Variants in PALM2AKAP2 observed in about 807,000 individuals in gnomAD.
PALM2AKAP2 encodes the protein PALM2-AKAP2 fusion protein.
A neutral mutation model predicts 71.5 loss-of-function variants in PALM2AKAP2; 37 were observed. That is an observed-to-expected ratio of 0.52 (90% CI 0.40 to 0.68). The LOEUF (loss-of-function observed/expected upper bound fraction) is 0.68, where lower values mean the gene tolerates loss of function less well. Ranked by LOEUF, PALM2AKAP2 falls within the 30% of genes least tolerant of loss-of-function variation. The pLI is 0.00. For missense variants in PALM2AKAP2, 1,224 were observed against 1,191.8 expected (o/e 1.03, Z -0.40); for synonymous variants, 468 against 478.8 (o/e 0.98, Z 0.29).
chr9:110,172,172 A>G (rs187759319), exon 4 of PALM2AKAP2: 13 of 152,706 alleles, frequency 8.5e-5, no homozygotes, highest in Middle Eastern at 3.4e-3. Flanking sequence ...TAAACTATGT[A>G]TTGAAAAAAA....
intron 1 of PALM2AKAP2, among the ~76,000 whole-genome samples, chr9:109,857,945 T>C (rs562378877): frequency 2.6e-5 from 4 of 152,382 alleles, no homozygotes; most frequent in African/African-American, 7.2e-5. Context: ...GTTCAACCAC[T>C]ACACAACTGA....
intron 1 of PALM2AKAP2, among the ~76,000 whole-genome samples, chr9:110,131,074 A>C (rs1835724489): frequency 6.6e-6 from 1 of 152,190 alleles, no homozygotes; most frequent in African/African-American, 2.4e-5. Context: ...CCTTGAGTTT[A>C]TATTCCCATT....
At chr9:109,887,457 C>A (rs1442208639) in intron 3 of PALM2AKAP2, among the ~76,000 whole-genome samples, 1 of 152,156 alleles carries the variant, frequency 6.6e-6, no homozygotes, top group Non-Finnish European at 1.5e-5. Context: ...TTGTTTCCTT[C>A]CAAAATAAAA....
chr9:109,925,020 C>A (rs56677268), intron 4 of PALM2AKAP2, 41 bp from the exon 5 acceptor site: 9 of 1,613,980 alleles, frequency 5.6e-6, no homozygotes, highest in Non-Finnish European at 7.6e-6. Flanking sequence ...ATTGTACCCC[C>A]ACATGTAGAG....
upstream of PALM2AKAP2, among the ~76,000 whole-genome samples, chr9:109,779,869 G>A (rs1829405846): frequency 6.6e-6 from 1 of 152,156 alleles, no homozygotes; most frequent in African/African-American, 2.4e-5. Context: ...GCACGTGCTC[G>A]GGTCCCACAT....
At chr9:109,817,968 TTCC>T (rs1827893778) in intron 1 of PALM2AKAP2, among the ~76,000 whole-genome samples, 2 of 152,226 alleles carry the variant, frequency 1.3e-5, no homozygotes, top group Non-Finnish European at 2.9e-5. Context: ...CTCCCACATG[TTCC>T]TCTGTGACTT....
In PALM2AKAP2 at chr9:110,162,097, A is replaced by G. The variant is rs772511682; in HGVS notation, c.2748+5600A>G. 5.6e-6 allele frequency: 9 copies of G among 1,613,734 alleles called. No homozygotes were observed. In the East Asian group the frequency reaches 1.8e-4, roughly 32 times the overall value. On this transcript the variant is annotated intron_variant, in intron 3 of 3. Coordinates refer to ENST00000374525, the Ensembl canonical transcript of PALM2AKAP2. ...TGGTCTTTTCCCTCTCTGCCAGTAC[A>G]CTTCTAAGTTACTGTCTTGCAAGGT...
chr9:110,075,979 A>C (rs1834311503), intron 1 of PALM2AKAP2, among the ~76,000 whole-genome samples: 1 of 152,160 alleles, frequency 6.6e-6, no homozygotes. Context: ...AAAGTGTTAA[A>C]AAAATTCAGG....
At chr9:109,803,024 G>A (rs887328225) in intron 1 of PALM2AKAP2, among the ~76,000 whole-genome samples, 1 of 152,086 alleles carries the variant, frequency 6.6e-6, no homozygotes, top group African/African-American at 2.4e-5. Context: ...TTCCAGAATA[G>A]GAAGAAACTA....
At chr9:109,847,341 T>C (rs1432052715) in intron 1 of PALM2AKAP2, among the ~76,000 whole-genome samples, 1 of 152,146 alleles carries the variant, frequency 6.6e-6, no homozygotes, top group African/African-American at 2.4e-5. Flanking sequence ...TGCCAGAAGC[T>C]TAAAGAGGCA....
chr9:110,004,126 G>A (rs1054312647), intron 6 of PALM2AKAP2, among the ~76,000 whole-genome samples: 1 of 152,150 alleles, frequency 6.6e-6, no homozygotes, highest in Non-Finnish European at 1.5e-5. Flanking sequence ...TTCTAGCATC[G>A]ATGGTCTTTA....
intron 1 of PALM2AKAP2, among the ~76,000 whole-genome samples, chr9:110,124,164 C>G (rs1835547959): frequency 6.6e-6 from 1 of 152,290 alleles, no homozygotes; most frequent in African/African-American, 2.4e-5. Flanking sequence ...AAAGAGCCTT[C>G]CTGGGCTCCA....
At chr9:109,932,017 G>A (rs745463626) in exon 6 of PALM2AKAP2, 1 of 1,612,842 alleles carries the variant, frequency 6.2e-7, no homozygotes, top group South Asian at 1.1e-5. Context: ...GACGGGACCA[G>A]CAGAGCGGCT....
At chr9:109,948,927 C>T (rs918805357) in intron 6 of PALM2AKAP2, among the ~76,000 whole-genome samples, 12 of 152,168 alleles carry the variant, frequency 7.9e-5, no homozygotes, top group African/African-American at 2.4e-4. Flanking sequence ...GCCTTAGCAT[C>T]ACTGTTTATG....
chr9:109,698,381 G>A (rs562771611), intron 1 of PALM2AKAP2, among the ~76,000 whole-genome samples: 2 of 151,062 alleles, frequency 1.3e-5, no homozygotes, highest in Non-Finnish European at 2.9e-5. Context: ...GGGTTCAAGC[G>A]ATTCTTGTGC....
At chr9:110,166,546 T>C (rs1197599155) in intron 3 of PALM2AKAP2, among the ~76,000 whole-genome samples, 1 of 152,246 alleles carries the variant, frequency 6.6e-6, no homozygotes, top group East Asian at 1.9e-4. Context: ...TTTGGAAGCA[T>C]GCTTTCCTCC....
intron 7 of PALM2AKAP2, among the ~76,000 whole-genome samples, chr9:110,016,614 A>G (rs1327006631): frequency 7.2e-5 from 11 of 152,208 alleles, no homozygotes; most frequent in Non-Finnish European, 4.4e-5. Flanking sequence ...AATTAAATGC[A>G]TCAATTTGTA....
chr9:109,655,690 T>C (rs1827294259), intron 1 of PALM2AKAP2, among the ~76,000 whole-genome samples: 1 of 152,186 alleles, frequency 6.6e-6, no homozygotes. Context: ...AAACACTATT[T>C]ATTCTTTTGT....
At chr9:110,016,961 G>A (rs1254650501) in intron 7 of PALM2AKAP2, among the ~76,000 whole-genome samples, 15 of 151,968 alleles carry the variant, frequency 9.9e-5, no homozygotes, top group Admixed American at 9.8e-4. Context: ...CTCACTGCAA[G>A]CTCCGCCTCC....
Sources: allele counts gnomAD v4.1 joint callset (sites outside exome capture counted in the v4.1 genomes callset), GRCh38; gene constraint gnomAD v4.1.1; transcripts MANE v1.5; gene names NCBI Gene and HGNC (gene_info 2026-07-23, HGNC 2026-07-21).